The following WWP2 variants were observed in gnomAD, a reference collection of about 807,000 sequenced individuals.
WWP2 encodes the protein WW domain containing E3 ubiquitin protein ligase 2.
In WWP2, 57 loss-of-function variants were observed where a neutral mutation model predicts 121.0. That is an observed-to-expected ratio of 0.47 (90% CI 0.38 to 0.59). The LOEUF is 0.59. Ranked by LOEUF, WWP2 falls within the 20% of genes least tolerant of loss-of-function variation. WWP2 has a pLI of 0.00. For missense variants in WWP2, 962 were observed against 1,158.9 expected, an observed-to-expected ratio of 0.83 and a Z score of 2.47; for synonymous variants, 449 against 441.3, an observed-to-expected ratio of 1.02 and a Z score of -0.22.
chr16:69,826,587 A>C (rs1416361197), intron 4 of WWP2, among the ~76,000 whole-genome samples: 1 of 147,704 alleles, frequency 6.8e-6, no homozygotes, highest in Non-Finnish European at 1.5e-5. Flanking sequence ...AAAAAAAAAA[A>C]AAAAAAGTGG....
intron 1 of WWP2, among the ~76,000 whole-genome samples, chr16:69,780,702 A>C (rs2055645500): frequency 6.6e-6 from 1 of 152,152 alleles, no homozygotes; most frequent in Non-Finnish European, 1.5e-5. Context: ...AGTCTAAGTG[A>C]GTCAAAACAT....
At chr16:69,871,128 TAA>T (rs11392322) in intron 6 of WWP2, among the ~76,000 whole-genome samples, 1 of 151,456 alleles carries the variant, frequency 6.6e-6, no homozygotes, top group African/African-American at 2.4e-5. Context: ...TCCCCAAAAA[TAA>T]AAAAATGAGC....
At chr16:69,818,916 C>T (rs2056544749) in intron 4 of WWP2, among the ~76,000 whole-genome samples, 1 of 152,154 alleles carries the variant, frequency 6.6e-6, no homozygotes, top group Non-Finnish European at 1.5e-5. Flanking sequence ...TAGGGCTTCT[C>T]CCCTGGCAAC....
At chr16:69,866,495 A>G (rs146255554) in intron 6 of WWP2, among the ~76,000 whole-genome samples, 1 of 152,026 alleles carries the variant, frequency 6.6e-6, no homozygotes, top group Non-Finnish European at 1.5e-5. Flanking sequence ...CCTTGCAACC[A>G]TCATCCCGCT....
At position 69,908,635 on chromosome 16, in the gene WWP2, G is replaced by A. The variant is rs955079787; in HGVS notation, c.915-126G>A. 1.1e-4 allele frequency: 167 copies of A among 1,514,594 alleles called. 1 individual carries two copies. Among genetic ancestry groups the A allele is most frequent in the African/African-American group, 8.4e-4 (61 of 72,630 alleles). 93.8% of individuals were successfully genotyped at this position (1,514,594 alleles called of 1,614,324 possible). Reference sequence around the variant, plus strand: ...CAGGAACTGGCTTCGCCATTGGGTCGGCCTCGCATGTCATCTTTGATGCTT... The same window carrying A: ...CAGGAACTGGCTTCGCCATTGGGTCAGCCTCGCATGTCATCTTTGATGCTT... On this transcript the variant is annotated intron_variant, in intron 8 of 23. Coordinates refer to ENST00000359154, the MANE Select transcript of WWP2 (RefSeq NM_001270454.2).
chr16:69,829,382 A>G (rs2056756750), intron 4 of WWP2, among the ~76,000 whole-genome samples: 1 of 152,178 alleles, frequency 6.6e-6, no homozygotes, highest in Non-Finnish European at 1.5e-5. Flanking sequence ...TAGGTTACAG[A>G]AAAACTCTCT....
chr16:69,893,753 A>G (rs1181135060), intron 8 of WWP2, among the ~76,000 whole-genome samples: 2 of 152,162 alleles, frequency 1.3e-5, no homozygotes, highest in Non-Finnish European at 2.9e-5. Context: ...CATGTTGGCC[A>G]GGCTGTGCTC....
intron 4 of WWP2, among the ~76,000 whole-genome samples, chr16:69,801,369 G>A (rs2056162917): frequency 6.6e-6 from 1 of 151,352 alleles, no homozygotes; most frequent in Non-Finnish European, 1.5e-5. Context: ...CTAGTAGCTG[G>A]GACTACAGGC....
Position 69,917,800 on chromosome 16 carries a change from G to A in WWP2, c.1096G>A (p.Val366Met), listed in dbSNP as rs147694100. ...CTGGCAGCGTCCGACCGCGGAGTAC[G>A]TGCGCAACTATGAGCAGTGGCAGTC... ...TTWQRPTAEY[V>M]RNYEQWQSQR... The change falls in exon 10 of 24, where the codon GTG becomes ATG. Residue 366 changes from valine (V) to methionine (M), a missense_variant. Transcript: ENST00000359154. 3.8e-5 allele frequency: 61 copies of A among 1,614,120 alleles called. No homozygotes were observed. The South Asian group carries it at 4.9e-4, about 13-fold the overall frequency.
At chr16:69,903,990 G>A (rs533362436) in intron 8 of WWP2, among the ~76,000 whole-genome samples, 3 of 152,284 alleles carry the variant, frequency 2.0e-5, no homozygotes, top group Non-Finnish European at 2.9e-5. Flanking sequence ...TAAATTCTTC[G>A]GGAGTGCTGG....
chr16:69,785,366 C>G (rs191533562), intron 1 of WWP2, among the ~76,000 whole-genome samples: 2 of 152,262 alleles, frequency 1.3e-5, no homozygotes, highest in East Asian at 3.9e-4. Context: ...CTACCAAGAG[C>G]TCAATGGCTT....
chr16:69,931,036 C>A, intron 13 of WWP2, 116 bp from the exon 14 acceptor site: 1 of 952,328 alleles, frequency 1.1e-6, no homozygotes, highest in Non-Finnish European at 1.6e-6. Context: ...ACTTCCTCAC[C>A]TTACATTACT....
chr16:69,936,405 C>T lies in WWP2; in HGVS notation c.2070C>T (p.Gly690=), dbSNP rs757103138. Residue 690 remains glycine (G), a synonymous_variant, in exon 19 of 24, where the codon GGC becomes GGT. Coordinates refer to ENST00000359154, the MANE Select transcript of WWP2 (RefSeq NM_001270454.2). ...TGACGACCCACGAGCTGAAGGAGGG[C>T]GGCGAGAGCATCCGGGTCACAGAGG... is the stretch of plus-strand genomic sequence containing the variant. The part of the protein sequence containing the change: ...GKVTTHELKE[G]GESIRVTEEN... 40 of 1,613,872 alleles carry T rather than the reference C, an allele frequency of 2.5e-5. No homozygotes were observed. The highest frequency in any genetic ancestry group is 8.9e-5 in the East Asian group (4 of 44,882).
At chr16:69,816,433 A>AT (rs2056491851) in intron 4 of WWP2, among the ~76,000 whole-genome samples, 1 of 148,598 alleles carries the variant, frequency 6.7e-6, no homozygotes, top group Non-Finnish European at 1.5e-5. Context: ...AAAAAAATCT[A>AT]TATCTATAAC....
chr16:69,865,205 A>G (rs2057498665), intron 6 of WWP2, among the ~76,000 whole-genome samples: 1 of 151,816 alleles, frequency 6.6e-6, no homozygotes. Context: ...GCTTGCCACC[A>G]TAACTAGCAA....
intron 7 of WWP2, among the ~76,000 whole-genome samples, chr16:69,882,776 G>A (rs1689044435): frequency 6.6e-6 from 1 of 152,226 alleles, no homozygotes; most frequent in African/African-American, 2.4e-5. Context: ...GATGGGTGCA[G>A]TCCTTTTGGG....
intron 7 of WWP2, among the ~76,000 whole-genome samples, chr16:69,879,279 T>C (rs925985027): frequency 1.3e-5 from 2 of 152,222 alleles, no homozygotes. Flanking sequence ...GCATTAATTA[T>C]AATCACAATG....
chr16:69,817,211 A>C (rs939701684), intron 4 of WWP2, among the ~76,000 whole-genome samples: 1 of 152,106 alleles, frequency 6.6e-6, no homozygotes, highest in African/African-American at 2.4e-5. Context: ...GCATCAGTGA[A>C]ACTAGGTCAG....
chr16:69,854,614 G>T (rs774543280), intron 6 of WWP2, among the ~76,000 whole-genome samples: 1 of 151,878 alleles, frequency 6.6e-6, no homozygotes, highest in East Asian at 1.9e-4. Flanking sequence ...GCAGTGGCAC[G>T]ATCTTGGCTC....
Sources: allele counts gnomAD v4.1 joint callset (sites outside exome capture counted in the v4.1 genomes callset), GRCh38; gene constraint gnomAD v4.1.1; transcripts MANE v1.5; gene names NCBI Gene and HGNC (gene_info 2026-07-23, HGNC 2026-07-21).